CTNNBL1: variants seen among roughly 807,000 people sequenced by gnomAD.
CTNNBL1 encodes catenin beta like 1.
CTNNBL1 carries 31 observed loss-of-function variants against 72.7 expected under a neutral mutation model. The observed-to-expected ratio is 0.43, with a 90% CI of 0.32 to 0.58. The LOEUF (loss-of-function observed/expected upper bound fraction) is 0.58, where lower values mean the gene tolerates loss of function less well. Among genes scored for constraint, CTNNBL1 ranks in the 20% least tolerant of loss-of-function variants. The pLI, the probability that CTNNBL1 is intolerant of heterozygous loss-of-function variation, is 0.08. For synonymous variants in CTNNBL1, 240 were observed against 267.3 expected (o/e 0.90, Z 1.00); for missense variants, 534 against 725.1 (o/e 0.74, Z 3.03).
chr20:37,727,439 C>A, intron 1 of CTNNBL1: 1 of 724,502 alleles, frequency 1.4e-6, no homozygotes, highest in Non-Finnish European at 1.7e-6. Context: ...AGGCTACCAG[C>A]TGTGTGGTTG....
At chr20:37,845,632 G>GT (rs987832117) in intron 13 of CTNNBL1, among the ~76,000 whole-genome samples, 1 of 152,180 alleles carries the variant, frequency 6.6e-6, no homozygotes, top group Non-Finnish European at 1.5e-5. Context: ...CGCCTCACAG[G>GT]TGTAAAGTGA....
intron 15 of CTNNBL1, among the ~76,000 whole-genome samples, chr20:37,871,531 C>T (rs2072584515): frequency 2.0e-5 from 3 of 152,130 alleles, no homozygotes; most frequent in Non-Finnish European, 1.5e-5. Flanking sequence ...TAGACCTAAT[C>T]TAGACCTAAT....
intron 11 of CTNNBL1, among the ~76,000 whole-genome samples, chr20:37,825,592 T>C (rs943185441): frequency 6.6e-6 from 1 of 152,144 alleles, no homozygotes; most frequent in Non-Finnish European, 1.5e-5. Flanking sequence ...GGAGAATTGC[T>C]TGAACCCAAG....
intron 4 of CTNNBL1, among the ~76,000 whole-genome samples, chr20:37,752,818 G>A (rs186868311): frequency 5.3e-5 from 8 of 152,222 alleles, no homozygotes; most frequent in African/African-American, 1.9e-4. Flanking sequence ...CAGAGGGAGT[G>A]CGTGGGTGGC....
Position 37,746,556 on chromosome 20 carries a change from G to A in CTNNBL1, c.415G>A (p.Glu139Lys). Residue 139 changes from glutamate (E) to lysine (K), a missense_variant, in exon 4 of 16, where the codon GAG (glutamate) becomes AAG (lysine). Coordinates refer to ENST00000361383, the MANE Select transcript of CTNNBL1 (RefSeq NM_030877.5). ...TMPDLYHLLV[E>K]LNAVQSLLGL... ...GCCAGACCTGTACCACCTTCTGGTGGAGCTGAATGCTGTACAGTCGCTTCT... is the reference window on the plus strand; with the variant it reads ...GCCAGACCTGTACCACCTTCTGGTGAAGCTGAATGCTGTACAGTCGCTTCT... 1 of 1,614,124 alleles carries A rather than the reference G, an allele frequency of 6.2e-7. No homozygotes were observed. Among genetic ancestry groups the A allele is most frequent in the Non-Finnish European group, 8.5e-7 (1 of 1,180,008 alleles).
chr20:37,710,821 C>T (rs1173452237), intron 1 of CTNNBL1, among the ~76,000 whole-genome samples: 2 of 152,112 alleles, frequency 1.3e-5, no homozygotes, highest in African/African-American at 4.8e-5. Context: ...CTAATTATAT[C>T]GATCACCTGA....
chr20:37,843,598 C>G (rs954998148), intron 13 of CTNNBL1, among the ~76,000 whole-genome samples: 1 of 152,214 alleles, frequency 6.6e-6, no homozygotes, highest in African/African-American at 2.4e-5. Flanking sequence ...GCACCTCTAT[C>G]TAGAAGACCA....
At chr20:37,831,811 G>A (rs1031476406) in intron 11 of CTNNBL1, among the ~76,000 whole-genome samples, 5 of 152,172 alleles carry the variant, frequency 3.3e-5, no homozygotes, top group East Asian at 1.9e-4. Context: ...GGCTGGTGAC[G>A]TACCACTTCA....
At chr20:37,871,064 C>T (rs770155703) in intron 15 of CTNNBL1, among the ~76,000 whole-genome samples, 2 of 152,174 alleles carry the variant, frequency 1.3e-5, no homozygotes, top group Non-Finnish European at 2.9e-5. Flanking sequence ...CTGCTTTATT[C>T]CCATTCCCAA....
In CTNNBL1 at chr20:37,842,484, C is replaced by T. The variant is rs2072313185; in HGVS notation, c.1392+65C>T. 8 of 1,044,250 alleles carry T rather than the reference C, an allele frequency of 7.7e-6. No homozygotes were observed. The South Asian group carries it at 1.0e-4, about 13-fold the overall frequency. The allele number at this position is 1,044,250 out of a possible 1,614,324, so 64.7% of individuals were successfully genotyped here. ...CCCTCCGTTTGGGTCCCTTGTGTTC[C>T]TCCCATCACCCCACAGGATAGGTAA... On this transcript the variant is annotated intron_variant, in intron 13 of 15. Transcript: ENST00000361383.
At position 37,732,957 on chromosome 20, in the gene CTNNBL1, G is replaced by T. The variant is rs1217372820; in HGVS notation, c.109G>T (p.Glu37Ter). Residue 37 changes from glutamate (E) to a stop codon, truncating the protein, a stop_gained, in exon 2 of 16, where the codon GAA becomes TAA. Transcript: ENST00000361383. LOFTEE classifies it high-confidence loss of function. ...KMRRKQTGTR[E>*]RGRYREEEMT... Reference sequence around the variant, plus strand: ...GCGTCGGAAACAAACTGGTACTCGAGAACGCGGCCGCTATCGGGAAGAAGA... The same window carrying T: ...GCGTCGGAAACAAACTGGTACTCGATAACGCGGCCGCTATCGGGAAGAAGA... The T allele has an allele frequency of 2.5e-6, 4 of 1,614,112 alleles. No individual in the cohort carries two copies. The highest frequency in any genetic ancestry group is 3.4e-6 in the Non-Finnish European group (4 of 1,180,026).
intron 11 of CTNNBL1, among the ~76,000 whole-genome samples, chr20:37,818,068 A>G (rs1342324651): frequency 6.6e-6 from 1 of 152,218 alleles, no homozygotes; most frequent in Non-Finnish European, 1.5e-5. Flanking sequence ...TTAGCCCAGA[A>G]CTGGAGTCAT....
chr20:37,720,188 C>T (rs908233949), intron 1 of CTNNBL1, among the ~76,000 whole-genome samples: 15 of 152,002 alleles, frequency 9.9e-5, no homozygotes, highest in Admixed American at 9.8e-4. Flanking sequence ...CCACCATGCC[C>T]GGCTAATTTT....
chr20:37,776,518 C>T (rs1457682859), intron 7 of CTNNBL1, among the ~76,000 whole-genome samples: 1 of 152,130 alleles, frequency 6.6e-6, no homozygotes, highest in Non-Finnish European at 1.5e-5. Context: ...GTTTACATGC[C>T]TGCATTTTAA....
At chr20:37,739,060 C>T (rs1411872770) in intron 3 of CTNNBL1, among the ~76,000 whole-genome samples, 1 of 148,812 alleles carries the variant, frequency 6.7e-6, no homozygotes, top group African/African-American at 2.5e-5. Context: ...TTGTACTGAT[C>T]TCCACCATAC....
At chr20:37,854,681 A>G (rs2072424451) in intron 13 of CTNNBL1, among the ~76,000 whole-genome samples, 1 of 151,204 alleles carries the variant, frequency 6.6e-6, no homozygotes, top group Non-Finnish European at 1.5e-5. Context: ...TTCTGCCTCC[A>G]AGGTTCAAGT....
chr20:37,752,294 G>A (rs113959785), intron 4 of CTNNBL1, among the ~76,000 whole-genome samples: 1 of 152,112 alleles, frequency 6.6e-6, no homozygotes, highest in South Asian at 2.1e-4. Context: ...GGGGATAAGA[G>A]TCCAGGTTCA....
chr20:37,704,239 A>G (rs977971880), intron 1 of CTNNBL1, among the ~76,000 whole-genome samples: 6 of 152,202 alleles, frequency 3.9e-5, no homozygotes, highest in African/African-American at 1.4e-4. Context: ...ATCCAAGTAT[A>G]GAGTGTCAGT....
intron 10 of CTNNBL1, among the ~76,000 whole-genome samples, chr20:37,794,834 A>G (rs1282507894): frequency 6.6e-6 from 1 of 152,100 alleles, no homozygotes; most frequent in Non-Finnish European, 1.5e-5. Flanking sequence ...TTCACCAGGT[A>G]TAGCTTTCTA....
Sources: gnomAD v4.1 joint callset for allele counts (sites outside exome capture counted in the v4.1 genomes callset) on GRCh38, gnomAD v4.1.1 for gene constraint, MANE v1.5 for transcripts, NCBI Gene and HGNC (gene_info 2026-07-23, HGNC 2026-07-21) for gene names.